Variants in NPAS3 observed in about 807,000 individuals in gnomAD.
NPAS3 encodes neuronal PAS domain-containing protein 3.
A neutral mutation model predicts 73.1 loss-of-function variants in NPAS3; 14 were observed. The ratio of observed to expected loss-of-function variants is 0.19; its 90% CI spans 0.13 to 0.30. The LOEUF (loss-of-function observed/expected upper bound fraction) is 0.30, where lower values mean the gene tolerates loss of function less well. Among genes scored for constraint, NPAS3 ranks in the 10% least tolerant of loss-of-function variants. The pLI is 1.00. For missense variants in NPAS3, 1,096 were observed against 1,250.0 expected, an observed-to-expected ratio of 0.88 and a Z score of 1.86; for synonymous variants, 620 against 541.5, an observed-to-expected ratio of 1.14 and a Z score of -2.01.
intron 4 of NPAS3, among the ~76,000 whole-genome samples, chr14:33,525,565 C>G (rs2053760116): frequency 6.6e-6 from 1 of 152,078 alleles, no homozygotes; most frequent in Non-Finnish European, 1.5e-5. Flanking sequence ...CAGGATGATT[C>G]ATTTATTTCT....
At chr14:33,168,599 T>C (rs1049206408) in intron 2 of NPAS3, among the ~76,000 whole-genome samples, 1 of 152,182 alleles carries the variant, frequency 6.6e-6, no homozygotes, top group African/African-American at 2.4e-5. Flanking sequence ...CATTTCCTTC[T>C]TTGCTATCCC....
At chr14:33,290,439 G>A (rs1490661051) in intron 3 of NPAS3, among the ~76,000 whole-genome samples, 1 of 152,156 alleles carries the variant, frequency 6.6e-6, no homozygotes, top group Non-Finnish European at 1.5e-5. Context: ...TTTTTCTTCT[G>A]TGCAAGTGTA....
rs539325736 is a variant in NPAS3, at chr14:33,192,052, C to T, written c.141-23130C>T. ...TTCCACATCCTTTCTTCCCAGCTCA[C>T]CTGCCAGGTGTTGTCCATGGTAGTT... is the stretch of plus-strand genomic sequence containing the variant. On this transcript the variant is annotated intron_variant, in intron 2 of 11. Coordinates refer to ENST00000356141, the Ensembl canonical transcript of NPAS3. Among the ~76,000 whole-genome samples the T allele has an allele frequency of 7.9e-5, 12 of 152,268 alleles. No homozygotes were observed. In the East Asian group the frequency reaches 2.1e-3, roughly 27 times the overall value.
intron 5 of NPAS3, among the ~76,000 whole-genome samples, chr14:33,588,496 TTCA>T (rs1278711299): frequency 1.3e-5 from 2 of 152,224 alleles, no homozygotes; most frequent in Non-Finnish European, 1.5e-5. Context: ...TGTCAGATGG[TTCA>T]TCTTGAGAAC....
intron 3 of NPAS3, among the ~76,000 whole-genome samples, chr14:33,304,892 C>A (rs1201736152): frequency 1.3e-5 from 2 of 152,108 alleles, no homozygotes; most frequent in African/African-American, 4.8e-5. Flanking sequence ...AATATGGAAT[C>A]CTCACTGTCG....
chr14:33,135,812 C>T (rs1008906421), intron 2 of NPAS3, among the ~76,000 whole-genome samples: 1 of 152,158 alleles, frequency 6.6e-6, no homozygotes, highest in Non-Finnish European at 1.5e-5. Context: ...TGAGCTCAGC[C>T]AGTTCCAGCA....
chr14:33,477,593 A>T (rs2051102399), intron 4 of NPAS3, among the ~76,000 whole-genome samples: 1 of 152,064 alleles, frequency 6.6e-6, no homozygotes, highest in Non-Finnish European at 1.5e-5. Context: ...ATATTTTGGG[A>T]CCCATGATGG....
intron 5 of NPAS3, among the ~76,000 whole-genome samples, chr14:33,591,162 G>A (rs1372599780): frequency 1.3e-5 from 2 of 152,126 alleles, no homozygotes; most frequent in East Asian, 1.9e-4. Flanking sequence ...TTCTCCCTTT[G>A]TTTTAATGAC....
rs79248920 is a variant in NPAS3 at position 33,027,675 on chromosome 14, T to C, written c.51-28230T>C. Among the ~76,000 whole-genome samples the C allele has an allele frequency of 1.7e-3, 265 of 152,300 alleles. 1 individual carries two copies. The highest frequency in any genetic ancestry group is 6.1e-3 in the African/African-American group (254 of 41,572). ...CCATCTGCATTTGTTTTCTGTATCATATGATTTAGTGCTTGGCTATAAACA... is the reference window on the plus strand; with the variant it reads ...CCATCTGCATTTGTTTTCTGTATCACATGATTTAGTGCTTGGCTATAAACA... On this transcript the variant is annotated intron_variant, in intron 1 of 11. Coordinates refer to ENST00000356141, the Ensembl canonical transcript of NPAS3.
chr14:33,084,031 C>T (rs1340430892), intron 2 of NPAS3, among the ~76,000 whole-genome samples: 2 of 152,180 alleles, frequency 1.3e-5, no homozygotes, highest in Non-Finnish European at 2.9e-5. Context: ...ATGTTTCCGT[C>T]ACCATGGCAC....
chr14:33,010,666 A>T (rs1255606055), intron 1 of NPAS3, among the ~76,000 whole-genome samples: 1 of 152,190 alleles, frequency 6.6e-6, no homozygotes, highest in Non-Finnish European at 1.5e-5. Flanking sequence ...TAAACATTGA[A>T]GTAGGCTGGG....
At chr14:33,650,266 G>A (rs1355986116) in intron 5 of NPAS3, among the ~76,000 whole-genome samples, 1 of 152,168 alleles carries the variant, frequency 6.6e-6, no homozygotes, top group Non-Finnish European at 1.5e-5. Flanking sequence ...ACGCAAGCAG[G>A]AAACAAGGCA....
chr14:33,085,897 A>T (rs1287176988), intron 2 of NPAS3, among the ~76,000 whole-genome samples: 2 of 152,220 alleles, frequency 1.3e-5, no homozygotes, highest in East Asian at 3.8e-4. Flanking sequence ...AAATATTATG[A>T]TGGTAGTCAA....
chr14:33,006,399 G>T (rs942142578), intron 1 of NPAS3, among the ~76,000 whole-genome samples: 2 of 152,144 alleles, frequency 1.3e-5, no homozygotes, highest in Admixed American at 6.5e-5. Flanking sequence ...CTTCGGTAGA[G>T]AAAAGGATTT....
chr14:33,160,350 T>A (rs1041911655), intron 2 of NPAS3, among the ~76,000 whole-genome samples: 1 of 151,950 alleles, frequency 6.6e-6, no homozygotes, highest in South Asian at 2.1e-4. Flanking sequence ...TATATCCAAG[T>A]GTATAGCAAA....
chr14:33,538,987 T>C (rs904697228), intron 4 of NPAS3, among the ~76,000 whole-genome samples: 6 of 152,224 alleles, frequency 3.9e-5, no homozygotes, highest in Non-Finnish European at 7.3e-5. Flanking sequence ...AGTTGTTTAC[T>C]GTTTTCCTTA....
intron 3 of NPAS3, among the ~76,000 whole-genome samples, chr14:33,238,649 T>C (rs1026186847): frequency 1.3e-5 from 2 of 152,026 alleles, no homozygotes; most frequent in African/African-American, 4.8e-5. Context: ...ATGTCTATTA[T>C]TGAAATGAAA....
intron 4 of NPAS3, among the ~76,000 whole-genome samples, chr14:33,456,056 T>C (rs1315470130): frequency 1.3e-5 from 2 of 152,210 alleles, no homozygotes; most frequent in African/African-American, 2.4e-5. Flanking sequence ...GTATTGATGA[T>C]CCCATTTCAA....
At chr14:33,430,230 A>T (rs1018464496) in intron 4 of NPAS3, among the ~76,000 whole-genome samples, 1 of 151,976 alleles carries the variant, frequency 6.6e-6, no homozygotes, top group African/African-American at 2.4e-5. Context: ...TCCTGCCTCT[A>T]TTTCTTCCCC....
Sources: allele counts gnomAD v4.1 joint callset (sites outside exome capture counted in the v4.1 genomes callset), GRCh38; gene constraint gnomAD v4.1.1; transcripts MANE v1.5; gene names NCBI Gene and HGNC (gene_info 2026-07-23, HGNC 2026-07-21).